OSBPL1A: variants seen among roughly 807,000 people sequenced by gnomAD.
OSBPL1A encodes oxysterol-binding protein-related protein 1.
In OSBPL1A, 80 loss-of-function variants were observed where a neutral mutation model predicts 137.1. That is an observed-to-expected ratio of 0.58 (90% CI 0.49 to 0.70). OSBPL1A has a LOEUF of 0.70. OSBPL1A is among the 30% of genes least tolerant of loss of function. OSBPL1A has a pLI of 0.00. For missense variants in OSBPL1A, 970 were observed against 1,129.4 expected, an observed-to-expected ratio of 0.86 and a Z score of 2.02; for synonymous variants, 365 against 389.7, an observed-to-expected ratio of 0.94 and a Z score of 0.75.
intron 1 of OSBPL1A, among the ~76,000 whole-genome samples, chr18:24,384,461 C>T (rs768689867): frequency 2.6e-5 from 4 of 152,008 alleles, no homozygotes; most frequent in East Asian, 1.9e-4. Flanking sequence ...GTAGTCCCAG[C>T]GACTTGGGAG....
intron 1 of OSBPL1A, among the ~76,000 whole-genome samples, chr18:24,395,857 A>C (rs1457085544): frequency 6.7e-6 from 1 of 150,058 alleles, no homozygotes; most frequent in African/African-American, 2.4e-5. Flanking sequence ...CCTGACCTCA[A>C]GTGATCCGCC....
At chr18:24,223,618 C>T (rs532687873) in intron 17 of OSBPL1A, among the ~76,000 whole-genome samples, 1 of 152,180 alleles carries the variant, frequency 6.6e-6, no homozygotes, top group South Asian at 2.1e-4. Context: ...CTGGGTTTGA[C>T]TTTAGAACAC....
chr18:24,301,623 G>C (rs897814000), intron 14 of OSBPL1A, among the ~76,000 whole-genome samples: 3 of 152,148 alleles, frequency 2.0e-5, no homozygotes, highest in Non-Finnish European at 2.9e-5. Context: ...TGTGAATTTT[G>C]TTATGTGAAT....
At chr18:24,259,022 C>A (rs2089369620) in intron 15 of OSBPL1A, among the ~76,000 whole-genome samples, 1 of 148,812 alleles carries the variant, frequency 6.7e-6, no homozygotes, top group African/African-American at 2.5e-5. Flanking sequence ...ACTGTAAGCT[C>A]CACTTTCCGG....
intron 5 of OSBPL1A, among the ~76,000 whole-genome samples, chr18:24,336,195 C>T (rs948722066): frequency 3.9e-5 from 6 of 152,148 alleles, no homozygotes. Flanking sequence ...CAGCATCTGG[C>T]ACGATGCATA....
chr18:24,282,763 T>A (rs534700315), intron 14 of OSBPL1A, among the ~76,000 whole-genome samples: 20 of 152,194 alleles, frequency 1.3e-4, no homozygotes, highest in Admixed American at 7.2e-4. Flanking sequence ...AGTCTTTTCA[T>A]CAAAAAATAA....
At chr18:24,220,705 C>G (rs572030356) in intron 17 of OSBPL1A, among the ~76,000 whole-genome samples, 2 of 152,236 alleles carry the variant, frequency 1.3e-5, no homozygotes, top group South Asian at 4.1e-4. Context: ...CCCAGGGCAC[C>G]AGAGGATCTC....
At chr18:24,278,745 G>C (rs958591278) in intron 15 of OSBPL1A, among the ~76,000 whole-genome samples, 1 of 151,926 alleles carries the variant, frequency 6.6e-6, no homozygotes, top group Non-Finnish European at 1.5e-5. Context: ...AGTGAAATGC[G>C]GTTTTACAAG....
At chr18:24,305,487 AAGAAG>A (rs1293166328) in intron 13 of OSBPL1A, among the ~76,000 whole-genome samples, 2 of 152,338 alleles carry the variant, frequency 1.3e-5, no homozygotes, top group African/African-American at 2.4e-5. Context: ...AGATACTAAA[AAGAAG>A]AGGTTATTAA....
At chr18:24,254,552 A>G (rs1265928756) in intron 15 of OSBPL1A, among the ~76,000 whole-genome samples, 5 of 152,214 alleles carry the variant, frequency 3.3e-5, no homozygotes, top group African/African-American at 4.8e-5. Context: ...AATTTTGGAA[A>G]CTATACAAAC....
At chr18:24,308,307 G>A (rs560712641) in intron 13 of OSBPL1A, among the ~76,000 whole-genome samples, 1 of 149,744 alleles carries the variant, frequency 6.7e-6, no homozygotes, top group African/African-American at 2.5e-5. Flanking sequence ...GTAGAGACAG[G>A]GTTTTGCCAT....
chr18:24,257,147 C>T (rs934317322), intron 15 of OSBPL1A, among the ~76,000 whole-genome samples: 2 of 151,990 alleles, frequency 1.3e-5, no homozygotes, highest in African/African-American at 4.8e-5. Flanking sequence ...TTATGTGGAA[C>T]CACAGGGGAC....
rs893407568 is a variant in OSBPL1A, at chr18:24,292,240, G to T, written c.1175-11292C>A. On this transcript the variant is annotated intron_variant, in intron 14 of 27. Coordinates refer to ENST00000319481, the MANE Select transcript of OSBPL1A (RefSeq NM_080597.4). ...ACCCCCAATGAAAGAATTACTCAAA[G>T]ATTTGCCTCAGAAAATAAAACAGAA... 9.2e-5 allele frequency among the ~76,000 whole-genome samples: 14 copies of T among 152,138 alleles called. 1 individual carries two copies. Among genetic ancestry groups the T allele is most frequent in the Admixed American group, 3.3e-4 (5 of 15,270 alleles).
intron 2 of OSBPL1A, among the ~76,000 whole-genome samples, chr18:24,375,094 C>T (rs928224715): frequency 2.6e-5 from 4 of 151,980 alleles, no homozygotes; most frequent in African/African-American, 4.8e-5. Context: ...ATGAGAGGAT[C>T]GCTTGAGACC....
At chr18:24,215,485 C>G (rs76635841) in intron 17 of OSBPL1A, among the ~76,000 whole-genome samples, 3,745 of 152,290 alleles carry the variant, frequency 0.025, 149 homozygotes, top group African/African-American at 0.084. Flanking sequence ...TGTTAAGGAT[C>G]TATGTGGTTT....
chr18:24,368,301 G>A lies in OSBPL1A; in HGVS notation c.193C>T (p.Gln65Ter). 1 of 1,611,534 alleles carries A rather than the reference G, an allele frequency of 6.2e-7. No homozygotes were observed. Among genetic ancestry groups the A allele is most frequent in the African/African-American group, 1.3e-5 (1 of 74,972 alleles). Residue 65 changes from glutamine to a stop codon, truncating the protein, a stop_gained, in exon 3 of 28, where the codon CAG becomes TAG. Transcript: ENST00000319481. LOFTEE classifies it high-confidence loss of function. ...ACYFGHRQVV[Q>*]DLLKAGAEVN... Reference sequence around the variant, plus strand: ...CATAAATAGACCTTCAACAGATCCTGGACCACTTGTCTGTGTCCAAAATAG... The same window carrying A: ...CATAAATAGACCTTCAACAGATCCTAGACCACTTGTCTGTGTCCAAAATAG...
At chr18:24,210,378 T>C (rs1180171929) in intron 17 of OSBPL1A, among the ~76,000 whole-genome samples, 2 of 151,894 alleles carry the variant, frequency 1.3e-5, no homozygotes, top group African/African-American at 4.8e-5. Flanking sequence ...AAATCGTGAG[T>C]AGTGAGCTAA....
chr18:24,307,787 T>C (rs913235226), intron 13 of OSBPL1A, among the ~76,000 whole-genome samples: 2 of 152,210 alleles, frequency 1.3e-5, no homozygotes, highest in Non-Finnish European at 2.9e-5. Context: ...TTATTCTTTT[T>C]TTGTTGTTGT....
chr18:24,375,601 C>T (rs925731039), intron 2 of OSBPL1A, among the ~76,000 whole-genome samples: 2 of 152,228 alleles, frequency 1.3e-5, no homozygotes, highest in South Asian at 4.1e-4. Flanking sequence ...ATCTTAGAAT[C>T]GTCTCCTCCA....
Sources: gnomAD v4.1 joint callset for allele counts (sites outside exome capture counted in the v4.1 genomes callset) on GRCh38, gnomAD v4.1.1 for gene constraint, MANE v1.5 for transcripts, NCBI Gene and HGNC (gene_info 2026-07-23, HGNC 2026-07-21) for gene names.